Variants in HPS1 observed in about 807,000 individuals in gnomAD.
HPS1 encodes the protein BLOC-3 complex member HPS1.
A neutral mutation model predicts 90.6 loss-of-function variants in HPS1; 59 were observed. That is an observed-to-expected ratio of 0.65 (90% confidence interval 0.53 to 0.81). The LOEUF (loss-of-function observed/expected upper bound fraction) is 0.81, where lower values mean the gene tolerates loss of function less well. HPS1 is among the 30% of genes least tolerant of loss of function. The pLI is 0.00. For missense variants in HPS1, 849 were observed against 896.7 expected, an observed-to-expected ratio of 0.95 and a Z score of 0.68; for synonymous variants, 388 against 384.4, an observed-to-expected ratio of 1.01 and a Z score of -0.11.
rs1801287 is a variant in HPS1, at chr10:98,431,163, G to A, written c.636C>T (p.Leu212=). 0.3 allele frequency: 482,953 copies of A among 1,613,542 alleles called. 75,050 individuals are homozygous for A. The highest frequency in any genetic ancestry group is 0.43 in the South Asian group (38,726 of 91,046). Residue 212 remains leucine, a synonymous_variant, in exon 7 of 20, where the codon CTC becomes CTT. Coordinates refer to ENST00000361490, the MANE Select transcript of HPS1 (RefSeq NM_000195.5). ...AGAATGCCAGCAGCTTGGAGTGCACGAGCAGGAAGGCATGCAGGGCCTCCT... is the reference window on the plus strand; with the variant it reads ...AGAATGCCAGCAGCTTGGAGTGCACAAGCAGGAAGGCATGCAGGGCCTCCT... ...GGEEALHAFL[L]VHSKLLAFYS...
chr10:98,420,356 T>G, intron 17 of HPS1, 198 bp from the exon 18 acceptor site: 1 of 594,678 alleles, frequency 1.7e-6, no homozygotes, highest in South Asian at 1.8e-5. Context: ...TACCCTCCAG[T>G]TAGCGTGGGG....
intron 19 of HPS1, 49 bp downstream of exon 19, chr10:98,418,126 T>A: frequency 2.4e-6 from 3 of 1,264,780 alleles, no homozygotes; most frequent in Non-Finnish European, 1.1e-6. Flanking sequence ...CGAGCACTTA[T>A]CACCCAAATG....
intron 9 of HPS1, 61 bp from the exon 10 acceptor site, chr10:98,429,703 G>A (rs1846120113): frequency 6.2e-7 from 1 of 1,613,988 alleles, no homozygotes; most frequent in East Asian, 2.2e-5. Context: ...CCCTGTCCCT[G>A]CTCTCCCAGG....
At chr10:98,429,515 G>A (rs376518547) in intron 10 of HPS1, 58 bp downstream of exon 10, 8 of 1,613,230 alleles carry the variant, frequency 5.0e-6, no homozygotes, top group Non-Finnish European at 6.8e-6. Context: ...CAGATGTCCT[G>A]GGCTGCCTGT....
chr10:98,414,830 C>T (rs1462444868), downstream of HPS1: 2 of 908,628 alleles, frequency 2.2e-6, no homozygotes, highest in East Asian at 5.6e-5. Context: ...ATCCCAGGTG[C>T]CTGCCTGCCA....
rs1215736916 is a variant in HPS1 at position 98,417,066 on chromosome 10, G to A, written c.*498C>T. 1 of 155,638 alleles carries A rather than the reference G, an allele frequency of 6.4e-6. No homozygotes were observed. Among genetic ancestry groups the A allele is most frequent in the Non-Finnish European group, 1.4e-5 (1 of 70,384 alleles). The allele number at this position is 155,638 out of a possible 1,614,324, so 9.6% of individuals were successfully genotyped here. ...ACATTTATTGAGCACCTACCACACT[G>A]GGTAATCCTCACACCACCCTGGGAC... On this transcript the variant is annotated 3_prime_UTR_variant, in exon 20 of 20. Coordinates refer to ENST00000361490, the MANE Select transcript of HPS1 (RefSeq NM_000195.5). This position sits in a 1 kb window ranked among gnomAD's most constrained non-coding sequence, Gnocchi z 4.2.
chr10:98,431,090 C>T, intron 7 of HPS1, 41 bp downstream of exon 7: 1 of 1,608,268 alleles, frequency 6.2e-7, no homozygotes, highest in East Asian at 2.2e-5. Context: ...GTGAGAAGGC[C>T]AGGGAGCCTT....
At chr10:98,437,363 A>G (rs1847489483) in intron 3 of HPS1, among the ~76,000 whole-genome samples, 1 of 152,268 alleles carries the variant, frequency 6.6e-6, no homozygotes, top group Non-Finnish European at 1.5e-5. Flanking sequence ...TTTTATTAAT[A>G]GAGAAGTCAC....
intron 8 of HPS1, 43 bp downstream of exon 8, chr10:98,430,528 C>T (rs1342209389): frequency 2.0e-6 from 3 of 1,478,586 alleles, no homozygotes; most frequent in Admixed American, 3.9e-5. Flanking sequence ...TTCTGAACTA[C>T]CTCCCTAATG....
chr10:98,432,151 G>C (rs1313259051), intron 6 of HPS1, among the ~76,000 whole-genome samples: 7 of 152,252 alleles, frequency 4.6e-5, no homozygotes. Context: ...TGAAGCTAGA[G>C]TGAAATAGGC....
In HPS1 at chr10:98,435,471, C is replaced by T. The variant is rs1847187089; in HGVS notation, c.256-57G>A. 3 of 1,613,256 alleles carry T rather than the reference C, an allele frequency of 1.9e-6. No individual in the cohort carries two copies. The highest frequency in any genetic ancestry group is 2.5e-6 in the Non-Finnish European group (3 of 1,179,750). Reference sequence around the variant, plus strand: ...CCCCAAGGGCACTCCCTTCACCTGCCCTGGTCTCTGCAGACAAGCCAGGGG... The same window carrying T: ...CCCCAAGGGCACTCCCTTCACCTGCTCTGGTCTCTGCAGACAAGCCAGGGG... On this transcript the variant is annotated intron_variant, in intron 4 of 19. Coordinates refer to ENST00000361490, the MANE Select transcript of HPS1 (RefSeq NM_000195.5). This position sits in a 1 kb window ranked among gnomAD's most constrained non-coding sequence, Gnocchi z 4.3.
At chr10:98,441,675 A>C (rs1254163310) in intron 3 of HPS1, among the ~76,000 whole-genome samples, 1 of 152,232 alleles carries the variant, frequency 6.6e-6, no homozygotes, top group African/African-American at 2.4e-5. Context: ...AATAAGAAGA[A>C]GAAACAATCA....
rs182845796 is a variant in HPS1, at chr10:98,417,952, G to A, written c.1940+223C>T. On this transcript the variant is annotated intron_variant, in intron 19 of 19. Transcript: ENST00000361490. This position sits in a 1 kb window ranked among gnomAD's most constrained non-coding sequence, Gnocchi z 4.2. ...TCTGGGCCGGGCACAGACGTTCCCC[G>A]TGCTGCCAAGACCATGCCAGCAGGA... is the stretch of plus-strand genomic sequence containing the variant. 7.0e-4 allele frequency among the ~76,000 whole-genome samples: 107 copies of A among 152,282 alleles called. No homozygotes were observed. The highest frequency in any genetic ancestry group is 6.8e-3 in the Middle Eastern group (2 of 294).
chr10:98,446,735 C>T (rs1939669271), intron 1 of HPS1, 72 bp downstream of exon 1: 2 of 152,364 alleles, frequency 1.3e-5, no homozygotes, highest in African/African-American at 2.4e-5. Context: ...AGGAAGCGAC[C>T]GGCCCACGGC....
downstream of HPS1, chr10:98,416,122 G>C (rs769059090): frequency 1.1e-4 from 16 of 152,344 alleles, no homozygotes; most frequent in Non-Finnish European, 1.9e-4. Context: ...ATGTGGAGAT[G>C]ATCCTAAGAG....
Position 98,417,697 on chromosome 10 carries a change from C to T in HPS1, c.1970G>A (p.Arg657His), listed in dbSNP as rs143323128. ...RKLLRYYSKNRPTEAVRCYEL... is the reference protein window; with the variant it reads ...RKLLRYYSKNHPTEAVRCYEL... ...GTAGCACCTGACAGCCTCGGTTGGG[C>T]GGTTCTTGCTGTAGTAGCGCAGGAG... Residue 657 changes from arginine to histidine, a missense_variant, in exon 20 of 20, where the codon CGC (arginine) becomes CAC (histidine). Coordinates refer to ENST00000361490, the MANE Select transcript of HPS1 (RefSeq NM_000195.5). This position sits in a 1 kb window ranked among gnomAD's most constrained non-coding sequence, Gnocchi z 4.2. 97 of 1,613,666 alleles carry T rather than the reference C, an allele frequency of 6.0e-5. No individual in the cohort carries two copies. Among genetic ancestry groups the T allele is most frequent in the Non-Finnish European group, 7.5e-5 (89 of 1,179,946 alleles).
At position 98,445,854 on chromosome 10, in the gene HPS1, T is replaced by G. The variant is rs571793078; in HGVS notation, c.-105-450A>C. On this transcript the variant is annotated intron_variant, in intron 1 of 19. Transcript: ENST00000361490. The surrounding 1 kb of genome is among the most constrained non-coding windows in gnomAD (Gnocchi z 4.5). ...GGCATCTGGGACCAGGTTCTAGTTT[T>G]GGCTTTGCCAAGTCCCATAAACCTC... 6.6e-6 allele frequency among the ~76,000 whole-genome samples: 1 copy of G among 152,318 alleles called. No homozygotes were observed. The highest frequency in any genetic ancestry group is 1.9e-4 in the East Asian group (1 of 5,174).
chr10:98,442,785 G>C (rs376056760), intron 3 of HPS1: 1 of 352,298 alleles, frequency 2.8e-6, no homozygotes, highest in East Asian at 7.1e-5. Flanking sequence ...TGTGATTACA[G>C]GCGTGAGCCA....
chr10:98,418,486 G>A (rs549964688), intron 18 of HPS1, among the ~76,000 whole-genome samples: 43 of 152,310 alleles, frequency 2.8e-4, no homozygotes, highest in African/African-American at 1.0e-3. Flanking sequence ...TCTCATTACC[G>A]TCAATACCTG....
Sources: gnomAD v4.1 joint callset for allele counts (sites outside exome capture counted in the v4.1 genomes callset) on GRCh38, gnomAD v4.1.1 for gene constraint, Gnocchi (gnomAD v3.1) non-coding constraint, MANE v1.5 for transcripts, NCBI Gene and HGNC (gene_info 2026-07-23, HGNC 2026-07-21) for gene names.